Variants in SPECC1 observed in about 807,000 individuals in gnomAD.
SPECC1 encodes cytospin-B.
Under a neutral mutation model 104.1 loss-of-function variants are expected in SPECC1, and 62 were observed. The ratio of observed to expected loss-of-function variants is 0.60; its 90% CI spans 0.49 to 0.74. The LOEUF is 0.74. SPECC1 is among the 30% of genes least tolerant of loss of function. The pLI is 0.00. For synonymous variants in SPECC1, 513 were observed against 501.6 expected (o/e 1.02, Z -0.30); for missense variants, 1,306 against 1,310.5 (o/e 1.00, Z 0.05).
intron 4 of SPECC1, among the ~76,000 whole-genome samples, chr17:20,223,380 A>C (rs1458915605): frequency 6.6e-6 from 1 of 152,164 alleles, no homozygotes; most frequent in Non-Finnish European, 1.5e-5. Flanking sequence ...TTTTTAAAAA[A>C]TTATTTCAAT....
At chr17:20,053,949 C>A (rs2045869675) in intron 1 of SPECC1, among the ~76,000 whole-genome samples, 1 of 152,198 alleles carries the variant, frequency 6.6e-6, no homozygotes, top group Non-Finnish European at 1.5e-5. Flanking sequence ...CTTCCGTATT[C>A]CCAGTCGTAG....
intron 1 of SPECC1, among the ~76,000 whole-genome samples, chr17:20,057,421 A>G (rs2046009184): frequency 6.6e-6 from 1 of 152,218 alleles, no homozygotes; most frequent in African/African-American, 2.4e-5. Context: ...AGCCTGGGCA[A>G]CAGAGTGAGA....
chr17:20,171,739 A>G (rs2526464), intron 3 of SPECC1, among the ~76,000 whole-genome samples: 107,596 of 151,874 alleles, frequency 0.71, 39,904 homozygotes, highest in East Asian at 0.99. Flanking sequence ...TAGTAGAGGT[A>G]GGGTCTTGCT....
chr17:20,280,604 T>C (rs1326514363), intron 12 of SPECC1, among the ~76,000 whole-genome samples: 1 of 152,260 alleles, frequency 6.6e-6, no homozygotes, highest in Non-Finnish European at 1.5e-5. Flanking sequence ...TCTGTGATGA[T>C]GGGAATGTTC....
At chr17:20,139,916 C>T (rs2030556521) in intron 3 of SPECC1, among the ~76,000 whole-genome samples, 1 of 152,074 alleles carries the variant, frequency 6.6e-6, no homozygotes. Flanking sequence ...CGTTGTGATC[C>T]GCCTGTCTCA....
At chr17:20,277,624 G>A (rs1191559977) in intron 12 of SPECC1, among the ~76,000 whole-genome samples, 1 of 152,096 alleles carries the variant, frequency 6.6e-6, no homozygotes, top group African/African-American at 2.4e-5. Flanking sequence ...GTACAGTTCA[G>A]GGGCATGAAG....
chr17:20,107,842 A>G (rs908323083), intron 2 of SPECC1, among the ~76,000 whole-genome samples: 2 of 152,074 alleles, frequency 1.3e-5, no homozygotes, highest in African/African-American at 4.8e-5. Flanking sequence ...TCCCACCTCT[A>G]CAAAAATATT....
At chr17:20,090,466 G>A (rs1430596443) in intron 1 of SPECC1, among the ~76,000 whole-genome samples, 2 of 152,052 alleles carry the variant, frequency 1.3e-5, no homozygotes, top group Non-Finnish European at 2.9e-5. Flanking sequence ...GCAAAGGCCC[G>A]GAGCCAGGAC....
At chr17:20,279,106 A>T (rs1263950002) in intron 12 of SPECC1, among the ~76,000 whole-genome samples, 3 of 152,138 alleles carry the variant, frequency 2.0e-5, no homozygotes, top group Non-Finnish European at 4.4e-5. Context: ...TTCCTTCTCC[A>T]TCCCCCAGGA....
intron 10 of SPECC1, among the ~76,000 whole-genome samples, chr17:20,256,173 G>A (rs899903337): frequency 2.0e-5 from 3 of 152,110 alleles, no homozygotes; most frequent in Non-Finnish European, 2.9e-5. Flanking sequence ...CACTGCACCC[G>A]GCCAAAACCA....
rs1376205868 is a variant in SPECC1, at chr17:20,028,413, T to C, written c.-22+18989T>C. On this transcript the variant is annotated intron_variant, in intron 1 of 14. Transcript: ENST00000395527. The stretch of plus-strand genomic sequence containing the variant: ...ACTTTGGGAGGCCACAGTGGGAGGA[T>C]TGCTTGAGCCCAGAAGTTGAAGACC... 4.6e-5 allele frequency among the ~76,000 whole-genome samples: 7 copies of C among 152,166 alleles called. No individual in the cohort carries two copies. The East Asian group carries it at 1.3e-3, about 29-fold the overall frequency.
intron 13 of SPECC1, among the ~76,000 whole-genome samples, chr17:20,303,989 T>C (rs1338806746): frequency 2.7e-5 from 4 of 147,250 alleles, no homozygotes; most frequent in African/African-American, 7.5e-5. Flanking sequence ...AGGAACATAA[T>C]GGCCAGGTGC....
rs1379234197 is a variant in SPECC1, at chr17:20,317,874, G to A, written c.*3809G>A. ...TAGGGCTCCCCCAAGCCATCCGCTG[G>A]CGTGTGGAGGTGCAGGACCTGGGGG... On this transcript the variant is annotated 3_prime_UTR_variant, in exon 15 of 15. Coordinates refer to ENST00000395527, the MANE Select transcript of SPECC1 (RefSeq NM_001243439.2). 4.4e-6 allele frequency: 1 copy of A among 226,568 alleles called. No homozygotes were observed. Among genetic ancestry groups the A allele is most frequent in the East Asian group, 6.4e-5 (1 of 15,714 alleles). 14.0% of individuals were successfully genotyped at this position (226,568 alleles called of 1,614,324 possible). A position where few individuals can be genotyped will look rare whatever the true frequency, so the allele number is the denominator to read the frequency against.
At position 20,270,149 on chromosome 17, in the gene SPECC1, G is replaced by A. The variant is rs1436285396; in HGVS notation, c.2940+9855G>A. 4.6e-5 allele frequency among the ~76,000 whole-genome samples: 7 copies of A among 152,182 alleles called. No homozygotes were observed. The South Asian group carries it at 1.0e-3, about 23-fold the overall frequency. On this transcript the variant is annotated intron_variant, in intron 12 of 14. Transcript: ENST00000395527. ...GGAGTGGCTGCTTAGTGGGTACAGG[G>A]TTTTCTGTTGGGTGATGAAAATGTT...
At chr17:20,206,031 A>G in intron 4 of SPECC1, 119 bp downstream of exon 4, 2 of 1,386,438 alleles carry the variant, frequency 1.4e-6, no homozygotes, top group Admixed American at 2.3e-5. Context: ...TCACGAAGCC[A>G]GCATTCCAGC....
chr17:20,054,506 G>A (rs941481934), intron 1 of SPECC1, among the ~76,000 whole-genome samples: 1 of 151,990 alleles, frequency 6.6e-6, no homozygotes, highest in African/African-American at 2.4e-5. Flanking sequence ...AGTCCCCAGG[G>A]GATACCTGTG....
At chr17:20,110,813 T>C (rs1449161270) in intron 3 of SPECC1, among the ~76,000 whole-genome samples, 1 of 152,028 alleles carries the variant, frequency 6.6e-6, no homozygotes, top group Non-Finnish European at 1.5e-5. Flanking sequence ...GGAGGTCCAT[T>C]TGTCACCATG....
At chr17:20,195,716 C>T (rs1000526597) in intron 3 of SPECC1, among the ~76,000 whole-genome samples, 2 of 152,108 alleles carry the variant, frequency 1.3e-5, no homozygotes, top group African/African-American at 4.8e-5. Context: ...AGCCACCACA[C>T]CCGGCTAATT....
intron 7 of SPECC1, among the ~76,000 whole-genome samples, chr17:20,244,419 T>A (rs1385873163): frequency 6.6e-6 from 1 of 152,216 alleles, no homozygotes; most frequent in African/African-American, 2.4e-5. Context: ...TAAAAATTAT[T>A]TTAAAAACCC....
Sources: allele counts gnomAD v4.1 joint callset (sites outside exome capture counted in the v4.1 genomes callset), GRCh38; gene constraint gnomAD v4.1.1; transcripts MANE v1.5; gene names NCBI Gene and HGNC (gene_info 2026-07-23, HGNC 2026-07-21).